The following ACYP1 variants were observed in gnomAD, a reference collection of about 807,000 sequenced individuals.
ACYP1 encodes acylphosphatase 1.
ACYP1 carries 8 observed loss-of-function variants against 10.4 expected under a neutral mutation model. That is an observed-to-expected ratio of 0.77 (90% confidence interval 0.45 to 1.38). ACYP1 has a LOEUF of 1.38. ACYP1 is among the 40% of genes most tolerant of loss of function. The probability of loss-of-function intolerance (pLI) is 0.00; values close to 1 mark genes in which losing one functional copy is unlikely to be tolerated. For missense variants in ACYP1, 93 were observed against 117.3 expected (o/e 0.79, Z 0.96); for synonymous variants, 38 against 40.8 (o/e 0.93, Z 0.26).
chr14:75,063,530 T>TA lies in ACYP1; in HGVS notation c.23dup (p.Ser9IlefsTer5). 6.2e-7 allele frequency: 1 copy of TA among 1,613,742 alleles called. No individual in the cohort carries two copies. ...TCCCAAAAATTTCATAATCCACTGA[T>TA]ATCAGGGTGTTTCCTTCTGCCATGC... On this transcript the variant is annotated frameshift_variant, in exon 2 of 3. Coordinates refer to ENST00000238618, the MANE Select transcript of ACYP1 (RefSeq NM_001107.5). LOFTEE classifies it high-confidence loss of function.
At chr14:75,060,528 A>G (rs1156706103) in intron 2 of ACYP1, among the ~76,000 whole-genome samples, 1 of 152,264 alleles carries the variant, frequency 6.6e-6, no homozygotes, top group African/African-American at 2.4e-5. Context: ...ACATAAAAAT[A>G]TGTGCATATG....
At chr14:75,069,306 A>T in exon 1 of ACYP1, 1 of 1,425,404 alleles carries the variant, frequency 7.0e-7, no homozygotes, top group South Asian at 1.5e-5. Context: ...CGGCGGAAGC[A>T]CGCGGAGGCA....
chr14:75,069,447 A>G (rs982664041), exon 1 of ACYP1: 7 of 606,018 alleles, frequency 1.2e-5, no homozygotes, highest in East Asian at 3.4e-5. Flanking sequence ...CGGCTCCCCA[A>G]GGGCAGGGCT....
At chr14:75,053,696 T>A in intron 2 of ACYP1, 37 bp from the exon 3 acceptor site, 3 of 1,590,476 alleles carry the variant, frequency 1.9e-6, no homozygotes, top group Non-Finnish European at 2.6e-6. Flanking sequence ...TCCAGTGAGA[T>A]TGAAGAAAAC....
rs1458759899 is a variant in ACYP1, at chr14:75,054,337, C to T, written c.85-678G>A. Among the ~76,000 whole-genome samples, 5 of 147,462 alleles carry T rather than the reference C, an allele frequency of 3.4e-5. No individual in the cohort carries two copies. In the East Asian group the frequency reaches 9.8e-4, roughly 29 times the overall value. ...CTACATAACTATCAGGTTTTCACTTCACTTTCTTCTCTTCTGTCTAAATAA... is the reference window on the plus strand; with the variant it reads ...CTACATAACTATCAGGTTTTCACTTTACTTTCTTCTCTTCTGTCTAAATAA... On this transcript the variant is annotated intron_variant, in intron 2 of 2. Coordinates refer to ENST00000238618, the MANE Select transcript of ACYP1 (RefSeq NM_001107.5).
At chr14:75,054,237 G>A (rs1252123223) in intron 2 of ACYP1, among the ~76,000 whole-genome samples, 1 of 151,710 alleles carries the variant, frequency 6.6e-6, no homozygotes, top group African/African-American at 2.4e-5. Context: ...TTATGTTGTA[G>A]CCAAAGCCCA....
chr14:75,069,321 C>A, exon 1 of ACYP1: 1 of 1,414,832 alleles, frequency 7.1e-7, no homozygotes, highest in Non-Finnish European at 9.1e-7. Flanking sequence ...GAGGCACAGC[C>A]AGGGCCTCCG....
At position 75,057,987 on chromosome 14, in the gene ACYP1, A is replaced by AAAC. The variant is rs1304812247; in HGVS notation, c.85-4329_85-4328insGTT. Among the ~76,000 whole-genome samples the AAAC allele has an allele frequency of 5.9e-4, 87 of 147,672 alleles. 8 individuals carry two copies. The highest frequency in any genetic ancestry group is 1.0e-3 in the Non-Finnish European group (68 of 67,208). On this transcript the variant is annotated intron_variant, in intron 2 of 2. Coordinates refer to ENST00000238618, the MANE Select transcript of ACYP1 (RefSeq NM_001107.5). Reference sequence around the variant, plus strand: ...CTCAAAAAAAAAAAAAAAAAAAAAAAAGAACTACCTGCTGAGGCTGGGTAA... The same window carrying AAAC: ...CTCAAAAAAAAAAAAAAAAAAAAAAAAACAGAACTACCTGCTGAGGCTGGGTAA...
chr14:75,058,766 A>T (rs1028827063), intron 2 of ACYP1, among the ~76,000 whole-genome samples: 2 of 146,076 alleles, frequency 1.4e-5, no homozygotes, highest in Non-Finnish European at 3.0e-5. Flanking sequence ...AATAATACTC[A>T]CTTCAACAAA....
upstream of ACYP1, among the ~76,000 whole-genome samples, chr14:75,068,856 G>T (rs1893215626): frequency 6.6e-6 from 1 of 152,170 alleles, no homozygotes; most frequent in South Asian, 2.1e-4. Flanking sequence ...AGTAGTTACA[G>T]GGAAAAAGCG....
chr14:75,053,587 G>A lies in ACYP1; in HGVS notation c.157C>T (p.Gln53Ter), dbSNP rs1892800652. Reference protein sequence around the residue: ...TDRGTVQGQLQGPISKVRHMQ... With the variant: ...TDRGTVQGQL Reference sequence around the variant, plus strand: ...TGACGCACCTTGGAGATGGGACCTTGCAATTGTCCTTGCACTGTGCCCCGG... The same window carrying A: ...TGACGCACCTTGGAGATGGGACCTTACAATTGTCCTTGCACTGTGCCCCGG... The change falls in exon 3 of 3, where the codon CAA becomes TAA. Residue 53 changes from glutamine to a stop codon, truncating the protein, a stop_gained. Transcript: ENST00000238618. LOFTEE classifies it high-confidence loss of function. 6.2e-7 allele frequency: 1 copy of A among 1,614,014 alleles called. No homozygotes were observed. The highest frequency in any genetic ancestry group is 1.7e-5 in the Admixed American group (1 of 59,990).
Position 75,053,676 on chromosome 14 carries a change from G to A in ACYP1, c.85-17C>T, listed in dbSNP as rs1453684864. On this transcript the variant is annotated splice_polypyrimidine_tract_variant and intron_variant, in intron 2 of 2. Transcript: ENST00000238618. ...ACCCTCAGCCTAAGGGGGGTAAAAA[G>A]AGAGAGAGATCCAGTGAGATTGAAG... 3.1e-6 allele frequency: 5 copies of A among 1,606,064 alleles called. No homozygotes were observed. The highest frequency in any genetic ancestry group is 4.3e-6 in the Non-Finnish European group (5 of 1,172,960).
chr14:75,060,731 C>T (rs116646629), intron 2 of ACYP1, among the ~76,000 whole-genome samples: 1,974 of 151,986 alleles, frequency 0.013, 49 homozygotes, highest in African/African-American at 0.046. Flanking sequence ...AGGAGCCAGT[C>T]ACAAAAAAAG....
rs191665315 is a variant in ACYP1 at position 75,055,737 on chromosome 14, C to A, written c.85-2078G>T. 1.5e-3 allele frequency among the ~76,000 whole-genome samples: 228 copies of A among 151,366 alleles called. 11 individuals carry two copies. The highest frequency in any genetic ancestry group is 5.4e-3 in the African/African-American group (221 of 40,928). ...CCTTAGGATACTAGAAAAAGAAGAG[C>A]AAACTGAATTCAAAATGAGCAGAAA... is the stretch of plus-strand genomic sequence containing the variant. On this transcript the variant is annotated intron_variant, in intron 2 of 2. Transcript: ENST00000238618.
intron 2 of ACYP1, among the ~76,000 whole-genome samples, chr14:75,053,920 T>C (rs1376672897): frequency 4.6e-5 from 7 of 152,210 alleles, no homozygotes; most frequent in Non-Finnish European, 8.8e-5. Context: ...TTTGGTTAAG[T>C]ATCAAAGACT....
At chr14:75,054,748 C>T (rs975150841) in intron 2 of ACYP1, among the ~76,000 whole-genome samples, 3 of 151,458 alleles carry the variant, frequency 2.0e-5, no homozygotes, top group African/African-American at 7.3e-5. Flanking sequence ...AAACAGACTC[C>T]AGCCAAATAA....
chr14:75,062,445 T>A (rs1053893355), intron 2 of ACYP1, among the ~76,000 whole-genome samples: 14 of 151,344 alleles, frequency 9.3e-5, no homozygotes, highest in African/African-American at 2.9e-4. Context: ...CAATTCACAT[T>A]CATGTTTCAA....
upstream of ACYP1, among the ~76,000 whole-genome samples, chr14:75,067,517 G>A (rs1893162604): frequency 6.6e-6 from 1 of 152,190 alleles, no homozygotes; most frequent in Non-Finnish European, 1.5e-5. Context: ...ACGGGGAGAT[G>A]AGGATATGTG....
intron 2 of ACYP1, chr14:75,061,550 C>G: frequency 2.2e-6 from 1 of 447,474 alleles, no homozygotes; most frequent in Admixed American, 4.2e-5. Flanking sequence ...TTCTGTTATT[C>G]TCTCTTTAAA....
Sources: allele counts gnomAD v4.1 joint callset (sites outside exome capture counted in the v4.1 genomes callset), GRCh38; gene constraint gnomAD v4.1.1; transcripts MANE v1.5; gene names NCBI Gene and HGNC (gene_info 2026-07-23, HGNC 2026-07-21).